CTTNBP2: variants seen among roughly 807,000 people sequenced by gnomAD.
CTTNBP2 encodes cortactin-binding protein 2.
A neutral mutation model predicts 156.9 loss-of-function variants in CTTNBP2; 108 were observed. That is an observed-to-expected ratio of 0.69 (90% CI 0.59 to 0.81). The LOEUF (loss-of-function observed/expected upper bound fraction) is 0.81. Among genes scored for constraint, CTTNBP2 ranks in the 30% least tolerant of loss-of-function variants. CTTNBP2 has a pLI of 0.00. For missense variants in CTTNBP2, 1,924 were observed against 2,035.4 expected, an observed-to-expected ratio of 0.95 and a Z score of 1.05; for synonymous variants, 767 against 751.8, an observed-to-expected ratio of 1.02 and a Z score of -0.33.
chr7:117,763,819 C>T (rs941790303), intron 9 of CTTNBP2, among the ~76,000 whole-genome samples: 2 of 152,092 alleles, frequency 1.3e-5, no homozygotes, highest in African/African-American at 4.8e-5. Context: ...AATCCTCCTG[C>T]CTCAGCCTCC....
At chr7:117,768,091 GCACACACACACACA>G (rs34630353) in intron 8 of CTTNBP2, among the ~76,000 whole-genome samples, 3 of 148,356 alleles carry the variant, frequency 2.0e-5, no homozygotes, top group Non-Finnish European at 3.0e-5. Flanking sequence ...TCCTGTAAAT[GCACACACACACACA>G]CACACACACA....
At chr7:117,796,922 T>C (rs1425604435) in intron 3 of CTTNBP2, among the ~76,000 whole-genome samples, 2 of 152,200 alleles carry the variant, frequency 1.3e-5, no homozygotes, top group East Asian at 1.9e-4. Context: ...ATAATAATTA[T>C]AACCCCTTGA....
intron 1 of CTTNBP2, 99 bp from the exon 2 acceptor site, chr7:117,861,415 C>G: frequency 1.3e-6 from 1 of 792,844 alleles, no homozygotes; most frequent in East Asian, 2.8e-5. Flanking sequence ...CCCAGTGGCT[C>G]GGCAGATCCA....
chr7:117,781,269 G>A (rs185162088), intron 6 of CTTNBP2, among the ~76,000 whole-genome samples: 64 of 152,360 alleles, frequency 4.2e-4, no homozygotes, highest in Admixed American at 1.9e-3. Context: ...TGTAAAATTA[G>A]TTGAGAATAA....
intron 21 of CTTNBP2, among the ~76,000 whole-genome samples, chr7:117,718,667 T>C (rs1168216379): frequency 6.6e-6 from 1 of 152,212 alleles, no homozygotes; most frequent in Non-Finnish European, 1.5e-5. Context: ...TTCTGTGAGA[T>C]TTCAGGTCAC....
intron 14 of CTTNBP2, among the ~76,000 whole-genome samples, chr7:117,745,380 G>C (rs1451620775): frequency 6.6e-6 from 1 of 152,164 alleles, no homozygotes; most frequent in African/African-American, 2.4e-5. Flanking sequence ...GCAAGAGTGA[G>C]GTAGAGAAAG....
chr7:117,713,967 A>T (rs1794198861), intron 22 of CTTNBP2: 1 of 152,210 alleles, frequency 6.6e-6, no homozygotes, highest in Non-Finnish European at 1.5e-5. Flanking sequence ...AGACTGCAAG[A>T]AGCTAGCTTA....
intron 3 of CTTNBP2, among the ~76,000 whole-genome samples, chr7:117,795,112 G>A (rs187690066): frequency 0.018 from 2,724 of 150,560 alleles, 34 homozygotes; most frequent in Non-Finnish European, 0.023. Context: ...TAGCCAGGAT[G>A]GTCTCGATCT....
chr7:117,797,310 G>A (rs1799372278), intron 3 of CTTNBP2, among the ~76,000 whole-genome samples: 1 of 152,198 alleles, frequency 6.6e-6, no homozygotes, highest in African/African-American at 2.4e-5. Context: ...GACAGAATAT[G>A]AATCTAACCA....
intron 16 of CTTNBP2, 143 bp from the exon 17 acceptor site, chr7:117,728,410 G>T: frequency 1.6e-6 from 1 of 640,970 alleles, no homozygotes; most frequent in Non-Finnish European, 2.7e-6. Flanking sequence ...GGCTGAAGGA[G>T]GGATAATAAC....
At chr7:117,789,112 G>A (rs983817334) in intron 4 of CTTNBP2, among the ~76,000 whole-genome samples, 1 of 152,116 alleles carries the variant, frequency 6.6e-6, no homozygotes, top group Non-Finnish European at 1.5e-5. Context: ...CTGGTGAATA[G>A]ATAATAGATT....
intron 17 of CTTNBP2, among the ~76,000 whole-genome samples, chr7:117,727,713 G>A (rs1795170349): frequency 6.6e-6 from 1 of 152,154 alleles, no homozygotes; most frequent in Non-Finnish European, 1.5e-5. Context: ...AGTAAGTACT[G>A]AACATATGTC....
chr7:117,739,755 C>T (rs1182541847), intron 14 of CTTNBP2, among the ~76,000 whole-genome samples: 2 of 152,138 alleles, frequency 1.3e-5, no homozygotes, highest in Non-Finnish European at 2.9e-5. Context: ...TCTGGAGGAA[C>T]GATGTTCTGA....
intron 1 of CTTNBP2, among the ~76,000 whole-genome samples, chr7:117,865,045 GA>G (rs1016916067): frequency 1.3e-4 from 19 of 149,664 alleles, no homozygotes; most frequent in African/African-American, 3.7e-4. Context: ...CTTAGATATA[GA>G]AAAAATATTA....
chr7:117,861,427 C>G, intron 1 of CTTNBP2, 111 bp from the exon 2 acceptor site: 1 of 706,486 alleles, frequency 1.4e-6, no homozygotes. Flanking sequence ...GCAGATCCAG[C>G]AGGCACCGGG....
chr7:117,860,255 G>C (rs559619705), intron 2 of CTTNBP2, among the ~76,000 whole-genome samples: 31 of 152,136 alleles, frequency 2.0e-4, no homozygotes, highest in African/African-American at 7.0e-4. Context: ...AATTATGTTT[G>C]ATCTACAAAC....
intron 3 of CTTNBP2, among the ~76,000 whole-genome samples, chr7:117,798,727 A>G (rs1212065312): frequency 6.6e-6 from 1 of 152,118 alleles, no homozygotes; most frequent in African/African-American, 2.4e-5. Context: ...CAAATACCAA[A>G]GAAATTGATG....
At chr7:117,724,501 G>GT (rs745866052) in intron 19 of CTTNBP2, 46 bp downstream of exon 19, 1 of 1,509,352 alleles carries the variant, frequency 6.6e-7, no homozygotes, top group East Asian at 2.3e-5. Flanking sequence ...ACTGGATCAC[G>GT]TATGTCCACC....
In CTTNBP2 at chr7:117,784,196, C is replaced by T. The variant is rs1798575533; in HGVS notation, c.2272+55G>A. 2.9e-6 allele frequency: 4 copies of T among 1,360,778 alleles called. No homozygotes were observed. The East Asian group carries it at 9.6e-5, about 33-fold the overall frequency. 84.3% of individuals were successfully genotyped at this position (1,360,778 alleles called of 1,614,324 possible). On this transcript the variant is annotated intron_variant, in intron 5 of 22. Transcript: ENST00000160373. Reference sequence around the variant, plus strand: ...CTGCTCATTACAATTGATACATGGGCTTTTGACTTTCCATCCTTTTGCAAG... The same window carrying T: ...CTGCTCATTACAATTGATACATGGGTTTTTGACTTTCCATCCTTTTGCAAG...
Sources: gnomAD v4.1 joint callset for allele counts (sites outside exome capture counted in the v4.1 genomes callset) on GRCh38, gnomAD v4.1.1 for gene constraint, MANE v1.5 for transcripts, NCBI Gene and HGNC (gene_info 2026-07-23, HGNC 2026-07-21) for gene names.